Variants in BFSP2 observed in about 807,000 individuals in gnomAD.
The protein encoded by BFSP2 is beaded filament structural protein 2.
Under a neutral mutation model 44.9 loss-of-function variants are expected in BFSP2, and 38 were observed. That is an observed-to-expected ratio of 0.85 (90% CI 0.65 to 1.11). The LOEUF (loss-of-function observed/expected upper bound fraction) is 1.11. Among genes scored for constraint, BFSP2 ranks in the 50% least tolerant of loss-of-function variants. The probability of loss-of-function intolerance (pLI) is 0.00; values close to 1 mark genes in which losing one functional copy is unlikely to be tolerated. For missense variants in BFSP2, 525 were observed against 533.0 expected (o/e 0.99, Z 0.15); for synonymous variants, 197 against 209.9 (o/e 0.94, Z 0.53).
At chr3:133,425,619 C>T (rs1262672880) in intron 1 of BFSP2, among the ~76,000 whole-genome samples, 1 of 151,910 alleles carries the variant, frequency 6.6e-6, no homozygotes, top group Non-Finnish European at 1.5e-5. Context: ...ACATATCAAC[C>T]CTCACTTTCT....
chr3:133,454,834 T>C (rs1444495009), intron 4 of BFSP2, among the ~76,000 whole-genome samples: 2 of 152,236 alleles, frequency 1.3e-5, no homozygotes, highest in Non-Finnish European at 2.9e-5. Flanking sequence ...TACAAAAATA[T>C]TCTTTCTTTT....
intron 4 of BFSP2, 151 bp from the exon 5 acceptor site, chr3:133,466,677 C>CAAAAAAAAACAAAAAAAAAAAAAA (rs2074112950): frequency 5.5e-6 from 1 of 182,404 alleles, no homozygotes; most frequent in Non-Finnish European, 9.6e-6. Flanking sequence ...TTCATCTCAA[C>CAAAAAAAAACAAAAAAAAAAAAAA]AAAAAAAAAA....
At chr3:133,458,263 T>C (rs764843977) in intron 4 of BFSP2, among the ~76,000 whole-genome samples, 1 of 152,258 alleles carries the variant, frequency 6.6e-6, no homozygotes, top group Non-Finnish European at 1.5e-5. Flanking sequence ...TATGCTATAG[T>C]AGCATATACC....
intron 1 of BFSP2, among the ~76,000 whole-genome samples, chr3:133,414,917 CCT>C (rs1270937487): frequency 7.5e-6 from 1 of 132,540 alleles, no homozygotes; most frequent in Non-Finnish European, 1.6e-5. Flanking sequence ...TCACTCCTGC[CCT>C]GTCCCCTCTG....
chr3:133,458,830 A>G (rs1050213328), intron 4 of BFSP2, among the ~76,000 whole-genome samples: 4 of 152,168 alleles, frequency 2.6e-5, no homozygotes, highest in Non-Finnish European at 4.4e-5. Context: ...GGGATCACCC[A>G]ACATTGCAAC....
At chr3:133,425,298 C>T (rs914237575) in intron 1 of BFSP2, among the ~76,000 whole-genome samples, 1 of 152,178 alleles carries the variant, frequency 6.6e-6, no homozygotes, top group Non-Finnish European at 1.5e-5. Flanking sequence ...TAAACAAATC[C>T]ACACACTGGT....
chr3:133,433,544 C>A (rs757949085), intron 1 of BFSP2, among the ~76,000 whole-genome samples: 3 of 152,198 alleles, frequency 2.0e-5, no homozygotes, highest in Non-Finnish European at 4.4e-5. Context: ...GATAACTAAA[C>A]TACCTCTTAG....
intron 1 of BFSP2, among the ~76,000 whole-genome samples, chr3:133,413,139 T>G (rs981501862): frequency 6.6e-6 from 1 of 152,144 alleles, no homozygotes; most frequent in Non-Finnish European, 1.5e-5. Context: ...GGGTATATAC[T>G]CTTTGACACT....
At chr3:133,434,842 C>T (rs766695994) in intron 1 of BFSP2, among the ~76,000 whole-genome samples, 1 of 151,830 alleles carries the variant, frequency 6.6e-6, no homozygotes, top group Non-Finnish European at 1.5e-5. Context: ...TTTACCTGCC[C>T]AAATCTTATA....
chr3:133,415,302 C>T, intron 1 of BFSP2, among the ~76,000 whole-genome samples: 1 of 128,150 alleles, frequency 7.8e-6, no homozygotes, highest in African/African-American at 3.3e-5. Flanking sequence ...GCCCTCTCCC[C>T]TCTACTCGCC....
chr3:133,474,927 T>C (rs753143684), intron 6 of BFSP2, 42 bp from the exon 7 acceptor site: 1 of 1,613,150 alleles, frequency 6.2e-7, no homozygotes, highest in Non-Finnish European at 8.5e-7. Flanking sequence ...ATGACCGATT[T>C]TCCTCACCCA....
chr3:133,461,725 A>C (rs2074065665), intron 4 of BFSP2, among the ~76,000 whole-genome samples: 1 of 152,260 alleles, frequency 6.6e-6, no homozygotes, highest in African/African-American at 2.4e-5. Flanking sequence ...TTAAGTGGGA[A>C]GTATCTCTTG....
intron 1 of BFSP2, among the ~76,000 whole-genome samples, chr3:133,430,666 G>A (rs980354022): frequency 4.6e-5 from 7 of 152,076 alleles, no homozygotes; most frequent in African/African-American, 1.4e-4. Flanking sequence ...TTTACGCATC[G>A]GTCCCTCTCT....
rs545883270 is a variant in BFSP2 at position 133,473,153 on chromosome 3, T to C, written c.1244+588T>C. Among the ~76,000 whole-genome samples the C allele has an allele frequency of 2.7e-3, 416 of 152,148 alleles. 4 individuals are homozygous for C. The highest frequency in any genetic ancestry group is 9.7e-3 in the African/African-American group (404 of 41,506). ...ACGTCTGGGGTGGGGTCTGAGAGTC[T>C]TCCTTTCTAACAAGCTCCCAAGTGA... On this transcript the variant is annotated intron_variant, in intron 6 of 6. Coordinates refer to ENST00000302334, the MANE Select transcript of BFSP2 (RefSeq NM_003571.4).
chr3:133,401,774 C>T (rs920571281), intron 1 of BFSP2, among the ~76,000 whole-genome samples: 7 of 152,164 alleles, frequency 4.6e-5, no homozygotes, highest in Non-Finnish European at 7.4e-5. Flanking sequence ...TGCAGCCTCC[C>T]AAGAGGAGGT....
chr3:133,425,423 C>T (rs28620611), intron 1 of BFSP2, among the ~76,000 whole-genome samples: 28,892 of 152,076 alleles, frequency 0.19, 4,201 homozygotes, highest in African/African-American at 0.41. Flanking sequence ...TTGATAGGGC[C>T]CTCTCCCAAG....
intron 1 of BFSP2, among the ~76,000 whole-genome samples, chr3:133,413,549 C>G (rs761343156): frequency 4.6e-5 from 7 of 152,084 alleles, no homozygotes; most frequent in Non-Finnish European, 8.8e-5. Context: ...CCAGCGCTCT[C>G]CCAGAGGGTT....
intron 1 of BFSP2, among the ~76,000 whole-genome samples, chr3:133,413,124 C>T (rs1172909942): frequency 6.6e-6 from 1 of 152,144 alleles, no homozygotes; most frequent in Non-Finnish European, 1.5e-5. Flanking sequence ...AGCAGGCTTA[C>T]TTTGGGGTAT....
chr3:133,417,578 A>C (rs1194351486), intron 1 of BFSP2, among the ~76,000 whole-genome samples: 9 of 79,624 alleles, frequency 1.1e-4, no homozygotes, highest in African/African-American at 1.6e-4. Flanking sequence ...CTCTCTACTC[A>C]CCCCTGCCAT....
Sources: allele counts gnomAD v4.1 joint callset (sites outside exome capture counted in the v4.1 genomes callset), GRCh38; gene constraint gnomAD v4.1.1; transcripts MANE v1.5; gene names NCBI Gene and HGNC (gene_info 2026-07-23, HGNC 2026-07-21).